ANO2: variants seen among roughly 807,000 people sequenced by gnomAD.
ANO2 encodes the protein anoctamin-2.
A neutral mutation model predicts 124.2 loss-of-function variants in ANO2; 101 were observed. That is an observed-to-expected ratio of 0.81 (90% CI 0.69 to 0.96). The LOEUF is 0.96. Among genes scored for constraint, ANO2 ranks in the 40% least tolerant of loss-of-function variants. The pLI is 0.00. For synonymous variants in ANO2, 486 were observed against 482.5 expected (o/e 1.01, Z -0.09); for missense variants, 1,293 against 1,274.5 (o/e 1.01, Z -0.22).
At chr12:5,797,102 G>A (rs764272979) in intron 10 of ANO2, among the ~76,000 whole-genome samples, 8 of 152,204 alleles carry the variant, frequency 5.3e-5, no homozygotes, top group Non-Finnish European at 1.0e-4. Flanking sequence ...CAGACCATAT[G>A]AGGGCAACTT....
chr12:5,796,480 A>AC (rs151080935), intron 10 of ANO2, among the ~76,000 whole-genome samples: 11 of 149,328 alleles, frequency 7.4e-5, no homozygotes, highest in African/African-American at 2.5e-4. Flanking sequence ...ACACACACAC[A>AC]AACTCACAAC....
chr12:5,580,587 G>A (rs1175030589), intron 20 of ANO2, among the ~76,000 whole-genome samples: 2 of 152,168 alleles, frequency 1.3e-5, no homozygotes, highest in Non-Finnish European at 2.9e-5. Flanking sequence ...GCTATGGTTC[G>A]CATTGTCTTA....
chr12:5,866,561 G>A (rs1955432697), intron 3 of ANO2, among the ~76,000 whole-genome samples: 1 of 152,238 alleles, frequency 6.6e-6, no homozygotes, highest in Non-Finnish European at 1.5e-5. Context: ...GGAGGAGAGG[G>A]ACCTTGAGTT....
chr12:5,887,435 C>T (rs547411411), intron 3 of ANO2, among the ~76,000 whole-genome samples: 1 of 152,312 alleles, frequency 6.6e-6, no homozygotes, highest in South Asian at 2.1e-4. Context: ...AAACCACTTC[C>T]ACTGTGGGGG....
chr12:5,569,725 C>A (rs1362348560), intron 23 of ANO2, among the ~76,000 whole-genome samples: 1 of 151,976 alleles, frequency 6.6e-6, no homozygotes, highest in Non-Finnish European at 1.5e-5. Context: ...GATGTGTGTG[C>A]GTGTGTGTCT....
chr12:5,933,501 G>C (rs571490862), intron 1 of ANO2, among the ~76,000 whole-genome samples: 1 of 152,310 alleles, frequency 6.6e-6, no homozygotes, highest in South Asian at 2.1e-4. Flanking sequence ...TAAATGGATG[G>C]GTGGGTGGGT....
chr12:5,659,958 T>A (rs1358657316), intron 14 of ANO2, among the ~76,000 whole-genome samples: 1 of 152,132 alleles, frequency 6.6e-6, no homozygotes, highest in Non-Finnish European at 1.5e-5. Context: ...TTGCTCCTAA[T>A]GAGGTGGGAA....
intron 14 of ANO2, among the ~76,000 whole-genome samples, chr12:5,656,115 G>C (rs1947139808): frequency 6.6e-6 from 1 of 152,184 alleles, no homozygotes; most frequent in African/African-American, 2.4e-5. Flanking sequence ...AGCAGCTATA[G>C]TTTGCTTTCT....
At chr12:5,892,087 T>A (rs950752807) in intron 3 of ANO2, among the ~76,000 whole-genome samples, 1 of 150,808 alleles carries the variant, frequency 6.6e-6, no homozygotes, top group East Asian at 1.9e-4. Flanking sequence ...ATAGAAGACA[T>A]AAAAATGAAC....
intron 10 of ANO2, among the ~76,000 whole-genome samples, chr12:5,774,410 G>T (rs1263176045): frequency 6.6e-6 from 1 of 152,192 alleles, no homozygotes; most frequent in Non-Finnish European, 1.5e-5. Flanking sequence ...AGGTTGCAGT[G>T]AGTTGAGATC....
intron 3 of ANO2, among the ~76,000 whole-genome samples, chr12:5,854,872 T>C (rs1347444307): frequency 6.6e-6 from 1 of 151,842 alleles, no homozygotes; most frequent in Admixed American, 6.6e-5. Context: ...CTTGTCACTA[T>C]GACTGTTACA....
At chr12:5,716,649 T>C (rs1387000553) in intron 14 of ANO2, among the ~76,000 whole-genome samples, 1 of 152,148 alleles carries the variant, frequency 6.6e-6, no homozygotes, top group Non-Finnish European at 1.5e-5. Flanking sequence ...AGGAGAAAAT[T>C]TATGTAAGCT....
At chr12:5,677,587 G>A (rs564652249) in intron 14 of ANO2, among the ~76,000 whole-genome samples, 3 of 152,196 alleles carry the variant, frequency 2.0e-5, no homozygotes, top group African/African-American at 7.2e-5. Flanking sequence ...TCCACTCTGA[G>A]GAGCAGAGTG....
chr12:5,793,132 T>C lies in ANO2; in HGVS notation c.1055+6375A>G, dbSNP rs115067070. Reference sequence around the variant, plus strand: ...TTCAAATATTTAAAGGGTTGACCTATACAACAGGGTATACTTGTTCTGTGC... The same window carrying C: ...TTCAAATATTTAAAGGGTTGACCTACACAACAGGGTATACTTGTTCTGTGC... On this transcript the variant is annotated intron_variant, in intron 10 of 24. Coordinates refer to ENST00000682330, the MANE Select transcript of ANO2 (RefSeq NM_001364791.2). 3.1e-3 allele frequency among the ~76,000 whole-genome samples: 469 copies of C among 152,306 alleles called. 4 individuals carry two copies. The highest frequency in any genetic ancestry group is 0.011 in the African/African-American group (453 of 41,564).
chr12:5,605,041 ACACCT>A lies in ANO2; in HGVS notation c.2088-5417_2088-5413del, dbSNP rs1167341093. ...CCCAGGACCATGGTGAGTGTCCATCACACCTTGGGCCTCCCTGCAGCAGGAATCTG... is the reference window on the plus strand; with the variant it reads ...CCCAGGACCATGGTGAGTGTCCATCATGGGCCTCCCTGCAGCAGGAATCTG... On this transcript the variant is annotated intron_variant, in intron 19 of 24. Coordinates refer to ENST00000682330, the MANE Select transcript of ANO2 (RefSeq NM_001364791.2). 1.2e-4 allele frequency among the ~76,000 whole-genome samples: 19 copies of A among 152,022 alleles called. 1 individual carries two copies. The highest frequency in any genetic ancestry group is 4.1e-4 in the African/African-American group (17 of 41,390).
At chr12:5,726,876 G>A (rs1298631392) in intron 14 of ANO2, among the ~76,000 whole-genome samples, 1 of 152,200 alleles carries the variant, frequency 6.6e-6, no homozygotes, top group Non-Finnish European at 1.5e-5. Context: ...GAACTGGAGA[G>A]GCTGTGTAAT....
At chr12:5,818,576 G>A (rs1953689322) in intron 7 of ANO2, among the ~76,000 whole-genome samples, 1 of 148,958 alleles carries the variant, frequency 6.7e-6, no homozygotes, top group South Asian at 2.1e-4. Flanking sequence ...TACCAGGAGT[G>A]GTTCTAGAGG....
chr12:5,775,525 G>C (rs183493488), intron 10 of ANO2, among the ~76,000 whole-genome samples: 1 of 148,654 alleles, frequency 6.7e-6, no homozygotes, highest in East Asian at 2.0e-4. Flanking sequence ...GCAGTGGCGC[G>C]ATCTTGGCTC....
At chr12:5,756,154 T>G (rs531318561) in intron 10 of ANO2, among the ~76,000 whole-genome samples, 2 of 152,102 alleles carry the variant, frequency 1.3e-5, no homozygotes, top group East Asian at 3.9e-4. Context: ...AGTTCTGTAT[T>G]AAGTTTTTTA....
Sources: gnomAD v4.1 joint callset for allele counts (sites outside exome capture counted in the v4.1 genomes callset) on GRCh38, gnomAD v4.1.1 for gene constraint, MANE v1.5 for transcripts, NCBI Gene and HGNC (gene_info 2026-07-23, HGNC 2026-07-21) for gene names.